AGO2: variants seen among roughly 807,000 people sequenced by gnomAD.
AGO2 encodes argonaute RISC catalytic component 2.
AGO2 carries 5 observed loss-of-function variants against 102.3 expected under a neutral mutation model. That is an observed-to-expected ratio of 0.05 (90% CI 0.03 to 0.10). The LOEUF (loss-of-function observed/expected upper bound fraction) is 0.10. Ranked by LOEUF, AGO2 falls within the 10% of genes least tolerant of loss-of-function variation. The pLI is 1.00. For synonymous variants in AGO2, 449 were observed against 473.1 expected (o/e 0.95, Z 0.66); for missense variants, 541 against 1,183.7 (o/e 0.46, Z 7.97).
At chr8:140,573,670 A>C (rs537096766) in intron 2 of AGO2, among the ~76,000 whole-genome samples, 148 of 152,324 alleles carry the variant, frequency 9.7e-4, no homozygotes, top group Middle Eastern at 6.8e-3. Context: ...ACACTTCCAG[A>C]ACCTCCGGAG....
rs368624235 is a variant in AGO2 at position 140,560,523 on chromosome 8, G to T, written c.519-13C>A. On this transcript the variant is annotated splice_polypyrimidine_tract_variant and intron_variant, in intron 4 of 18. Coordinates refer to ENST00000220592, the MANE Select transcript of AGO2 (RefSeq NM_012154.5). ...CACGGGGGTGTACCTGGAACCAAGA[G>T]ACCCCACCCCGCCTCCCGTCAGATG... 7 of 1,604,728 alleles carry T rather than the reference G, an allele frequency of 4.4e-6. No homozygotes were observed. The highest frequency in any genetic ancestry group is 4.3e-6 in the Non-Finnish European group (5 of 1,172,836).
upstream of AGO2, among the ~76,000 whole-genome samples, chr8:140,638,474 C>T (rs2074423510): frequency 6.6e-6 from 1 of 152,196 alleles, no homozygotes; most frequent in Non-Finnish European, 1.5e-5. Flanking sequence ...CCCATTTAGC[C>T]ACAGAACCCT....
intron 1 of AGO2, among the ~76,000 whole-genome samples, chr8:140,621,265 G>A (rs1016499719): frequency 2.0e-5 from 3 of 152,130 alleles, no homozygotes; most frequent in Admixed American, 1.3e-4. Flanking sequence ...GCCTCTGGCC[G>A]CAGCAGTCCC....
At chr8:140,641,912 C>T in the AGO2 span, among the ~76,000 whole-genome samples, 6 of 152,116 alleles carry the variant, frequency 3.9e-5, no homozygotes, top group African/African-American at 1.4e-4. Flanking sequence ...CACAGTGGCA[C>T]ATACCTATAG....
At chr8:140,621,125 C>T (rs1218074662) in intron 1 of AGO2, among the ~76,000 whole-genome samples, 1 of 152,184 alleles carries the variant, frequency 6.6e-6, no homozygotes, top group African/African-American at 2.4e-5. Context: ...CCCACAGTTG[C>T]CCTCACAGGT....
intron 1 of AGO2, among the ~76,000 whole-genome samples, chr8:140,597,032 T>C (rs1435195310): frequency 6.6e-6 from 1 of 152,120 alleles, no homozygotes; most frequent in Non-Finnish European, 1.5e-5. Flanking sequence ...AACATGTTGT[T>C]TGAAATAGAA....
intron 17 of AGO2, among the ~76,000 whole-genome samples, chr8:140,534,392 G>A (rs1013932218): frequency 5.3e-5 from 8 of 152,228 alleles, no homozygotes; most frequent in Admixed American, 6.5e-5. Flanking sequence ...GAGGGCACAC[G>A]CAGGCAGGGC....
intron 1 of AGO2, among the ~76,000 whole-genome samples, chr8:140,595,947 T>TGTATATA (rs2073833778): frequency 3.1e-5 from 1 of 32,282 alleles, no homozygotes; most frequent in Non-Finnish European, 7.2e-5. Context: ...TAATATATAT[T>TGTATATA]TTATATATAA....
At chr8:140,536,604 C>G (rs2072702639) in intron 16 of AGO2, among the ~76,000 whole-genome samples, 1 of 152,232 alleles carries the variant, frequency 6.6e-6, no homozygotes, top group Admixed American at 6.5e-5. Context: ...GGATTACAGG[C>G]ATGAGCCAGC....
Position 140,587,606 on chromosome 8 carries a change from C to G in AGO2, c.23-2295G>C, listed in dbSNP as rs187890435. ...AGTGTGCAGACACAACCCCCATGCA[C>G]GAGGAAGATGGGGATGACAAGAAGG... On this transcript the variant is annotated intron_variant, in intron 1 of 18. Transcript: ENST00000220592. Among the ~76,000 whole-genome samples, 1,141 of 152,306 alleles carry G rather than the reference C, an allele frequency of 7.5e-3. 71 individuals carry two copies. The highest frequency in any genetic ancestry group is 0.071 in the Admixed American group (1,084 of 15,304).
At chr8:140,618,431 G>C (rs1161532882) in intron 1 of AGO2, among the ~76,000 whole-genome samples, 5 of 152,150 alleles carry the variant, frequency 3.3e-5, no homozygotes, top group African/African-American at 1.2e-4. Context: ...TGAGGCTACA[G>C]TTAGCTGTGA....
intron 1 of AGO2, among the ~76,000 whole-genome samples, chr8:140,605,077 T>C (rs1253399745): frequency 6.6e-6 from 1 of 152,172 alleles, no homozygotes; most frequent in Non-Finnish European, 1.5e-5. Context: ...CTTTCATACA[T>C]ATTTGAAAAA....
chr8:140,627,180 T>A (rs2074289521), intron 1 of AGO2, among the ~76,000 whole-genome samples: 2 of 152,170 alleles, frequency 1.3e-5, no homozygotes, highest in Admixed American at 1.3e-4. Context: ...GGAATGTGGG[T>A]CCCACGGGAG....
In AGO2 at chr8:140,597,696, G is replaced by GA. The variant is rs113597330; in HGVS notation, c.23-12386dup. Among the ~76,000 whole-genome samples the GA allele has an allele frequency of 5.2e-3, 718 of 139,324 alleles. 1 individual carries two copies. The highest frequency in any genetic ancestry group is 7.1e-3 in the Non-Finnish European group (453 of 63,644). The allele number at this position is 139,324 out of a possible 152,430, so 91.4% of individuals were successfully genotyped here. ...CTAATTTTAAGAGAAAAGGAATCAA[G>GA]AAAAAAAAAAAAGACATCAAAAATG... On this transcript the variant is annotated intron_variant, in intron 1 of 18. Transcript: ENST00000220592.
At chr8:140,580,335 A>G (rs893173023) in intron 2 of AGO2, among the ~76,000 whole-genome samples, 1 of 152,198 alleles carries the variant, frequency 6.6e-6, no homozygotes, top group African/African-American at 2.4e-5. Flanking sequence ...CATTTTTCTC[A>G]TGGCCTTGGA....
rs1434310653 is a variant in AGO2, at chr8:140,520,837, C to A, written c.*11207G>T. On this transcript the variant is annotated 3_prime_UTR_variant, in exon 19 of 19. Transcript: ENST00000220592. The stretch of plus-strand genomic sequence containing the variant: ...GAACATTATTGTCTGCTTATAAACA[C>A]AGTGTCTGCCTCCTCAGGTGTATTT... The A allele has an allele frequency of 6.6e-6, 1 of 152,158 alleles. No individual in the cohort carries two copies. Among genetic ancestry groups the A allele is most frequent in the Non-Finnish European group, 1.5e-5 (1 of 68,040 alleles). 9.4% of individuals were successfully genotyped at this position (152,158 alleles called of 1,614,324 possible). A position where few individuals can be genotyped will look rare whatever the true frequency, so the allele number is the denominator to read the frequency against.
At chr8:140,542,359 T>C (rs1278658374) in intron 14 of AGO2, among the ~76,000 whole-genome samples, 1 of 152,222 alleles carries the variant, frequency 6.6e-6, no homozygotes, top group African/African-American at 2.4e-5. Flanking sequence ...ACAGAACAAG[T>C]TCTTTCCCAG....
intron 1 of AGO2, among the ~76,000 whole-genome samples, chr8:140,594,449 CA>C: frequency 6.6e-6 from 1 of 151,914 alleles, no homozygotes. Context: ...AGGCATGAGC[CA>C]CCGTGCCCGG....
In AGO2 at chr8:140,544,272, G is replaced by C; in HGVS notation, c.1780C>G (p.Leu594Val). The C allele has an allele frequency of 6.2e-7, 1 of 1,603,422 alleles. No homozygotes were observed. Among genetic ancestry groups the C allele is most frequent in the Non-Finnish European group, 8.5e-7 (1 of 1,175,880 alleles). ...GGGGGGTGAGTGACGTCTGCTCCCAGAAAGATGACGGGCTGCTGGAACACC... is the reference window on the plus strand; with the variant it reads ...GGGGGGTGAGTGACGTCTGCTCCCACAAAGATGACGGGCTGCTGGAACACC... ...PPVFQQPVIF[L>V]GADVTHPPAG... is the part of the protein sequence containing the mutation. Residue 594 changes from leucine to valine, a missense_variant, in exon 14 of 19, where the codon CTG becomes GTG. By Grantham distance (32) the Leu-to-Val change is conservative (BLOSUM62 1). Transcript: ENST00000220592.
Sources: gnomAD v4.1 joint callset for allele counts (sites outside exome capture counted in the v4.1 genomes callset) on GRCh38, gnomAD v4.1.1 for gene constraint, MANE v1.5 for transcripts, NCBI Gene and HGNC (gene_info 2026-07-23, HGNC 2026-07-21) for gene names.